CPNE4: variants seen among roughly 807,000 people sequenced by gnomAD.
CPNE4 encodes the protein copine-4.
A neutral mutation model predicts 67.9 loss-of-function variants in CPNE4; 25 were observed. That is an observed-to-expected ratio of 0.37 (90% confidence interval 0.27 to 0.51). The LOEUF (loss-of-function observed/expected upper bound fraction) is 0.51, where lower values mean the gene tolerates loss of function less well. Among genes scored for constraint, CPNE4 ranks in the 20% least tolerant of loss-of-function variants. CPNE4 has a pLI of 0.93. For missense variants in CPNE4, 464 were observed against 690.8 expected (o/e 0.67, Z 3.68); for synonymous variants, 242 against 244.9 (o/e 0.99, Z 0.11).
At chr3:131,788,915 G>T (rs188355615) in intron 2 of CPNE4, among the ~76,000 whole-genome samples, 135 of 151,836 alleles carry the variant, frequency 8.9e-4, no homozygotes, top group African/African-American at 3.2e-3. Flanking sequence ...ATGGTAGAAT[G>T]ATGACAATTA....
intron 7 of CPNE4, among the ~76,000 whole-genome samples, chr3:131,599,299 G>T (rs1939072470): frequency 6.6e-6 from 1 of 152,130 alleles, no homozygotes; most frequent in Non-Finnish European, 1.5e-5. Context: ...GTAGATTTTG[G>T]CCAGTTGTGT....
chr3:131,565,397 G>A (rs1937003588), intron 10 of CPNE4, among the ~76,000 whole-genome samples: 1 of 151,946 alleles, frequency 6.6e-6, no homozygotes, highest in African/African-American at 2.4e-5. Context: ...AATGGGAAAT[G>A]TTATTTGTGT....
At chr3:131,856,736 T>C (rs2086460250) in intron 2 of CPNE4, among the ~76,000 whole-genome samples, 1 of 152,034 alleles carries the variant, frequency 6.6e-6, no homozygotes, top group African/African-American at 2.4e-5. Context: ...ATTTATTGAA[T>C]GCTTACACTA....
chr3:131,558,229 G>A (rs1936572472), intron 11 of CPNE4, among the ~76,000 whole-genome samples: 1 of 151,904 alleles, frequency 6.6e-6, no homozygotes, highest in African/African-American at 2.4e-5. Flanking sequence ...ACACACTAAA[G>A]AAAAAGTTTT....
chr3:131,675,572 CTT>C (rs905959018), intron 6 of CPNE4, among the ~76,000 whole-genome samples: 2 of 151,998 alleles, frequency 1.3e-5, no homozygotes, highest in African/African-American at 4.8e-5. Flanking sequence ...ATTTTTTTCT[CTT>C]TTCATTGTTT....
At chr3:131,755,247 A>G (rs1366994123) in intron 2 of CPNE4, among the ~76,000 whole-genome samples, 1 of 151,148 alleles carries the variant, frequency 6.6e-6, no homozygotes, top group Non-Finnish European at 1.5e-5. Flanking sequence ...CTGAGCCACT[A>G]AGGGAGCTGT....
intron 2 of CPNE4, among the ~76,000 whole-genome samples, chr3:131,859,995 A>T (rs1374538140): frequency 6.6e-6 from 1 of 152,190 alleles, no homozygotes; most frequent in Non-Finnish European, 1.5e-5. Flanking sequence ...AAAGTCAGCA[A>T]TAATCTCCCT....
intron 7 of CPNE4, among the ~76,000 whole-genome samples, chr3:131,621,389 T>G (rs1940455788): frequency 6.6e-6 from 1 of 151,994 alleles, no homozygotes; most frequent in Non-Finnish European, 1.5e-5. Context: ...GGACCACAGA[T>G]GTGCACCACC....
rs542597990 is a variant in CPNE4 at position 131,642,636 on chromosome 3, G to A, written c.681+27039C>T. On this transcript the variant is annotated intron_variant, in intron 7 of 15. Transcript: ENST00000429747. ...GGACCCAGTGGGAGGTAATTGAATC[G>A]TGGGGGCAGTTACCCCCATGCTGCT... 3.4e-4 allele frequency among the ~76,000 whole-genome samples: 51 copies of A among 152,208 alleles called. No homozygotes were observed. The South Asian group carries it at 9.4e-3, about 28-fold the overall frequency.
At position 131,737,115 on chromosome 3, in the gene CPNE4, C is replaced by CTTTT. The variant is rs71788145; in HGVS notation, c.181-13494_181-13491dup. On this transcript the variant is annotated intron_variant, in intron 2 of 15. Coordinates refer to ENST00000429747, the MANE Select transcript of CPNE4 (RefSeq NM_130808.3). ...TGCCTCTTTTTATGAAGTATTGTGT[C>CTTTT]TTTTTTTTTTTTTTTTTTTTTTTTT... Among the ~76,000 whole-genome samples, 85 of 49,396 alleles carry CTTTT rather than the reference C, an allele frequency of 1.7e-3. 9 individuals carry two copies. The highest frequency in any genetic ancestry group is 6.3e-3 in the African/African-American group (83 of 13,086). 32.4% of individuals were successfully genotyped at this position (49,396 alleles called of 152,430 possible). A position where few individuals can be genotyped will look rare whatever the true frequency, so the allele number is the denominator to read the frequency against.
chr3:131,885,502 GTTTT>G (rs2087845034), intron 2 of CPNE4, among the ~76,000 whole-genome samples: 1 of 150,932 alleles, frequency 6.6e-6, no homozygotes, highest in African/African-American at 2.4e-5. Context: ...GGTGTTTTTT[GTTTT>G]TTGTTTTTCA....
intron 1 of CPNE4, among the ~76,000 whole-genome samples, chr3:131,960,115 A>G (rs1431137654): frequency 2.2e-5 from 2 of 89,900 alleles, no homozygotes; most frequent in African/African-American, 4.9e-5. Flanking sequence ...AAAGCAGAGA[A>G]AGAGTGGAGA....
At chr3:131,873,553 A>T (rs1374744728) in intron 2 of CPNE4, among the ~76,000 whole-genome samples, 4 of 152,236 alleles carry the variant, frequency 2.6e-5, no homozygotes, top group Non-Finnish European at 1.5e-5. Flanking sequence ...GACTTTATTT[A>T]GAGAAGATAA....
intron 2 of CPNE4, among the ~76,000 whole-genome samples, chr3:131,832,458 A>C (rs909480590): frequency 6.6e-6 from 1 of 152,196 alleles, no homozygotes; most frequent in African/African-American, 2.4e-5. Flanking sequence ...TGGGACTGCC[A>C]GGCAGTCTCC....
At chr3:131,564,691 C>G (rs1936964577) in intron 10 of CPNE4, among the ~76,000 whole-genome samples, 1 of 151,952 alleles carries the variant, frequency 6.6e-6, no homozygotes, top group South Asian at 2.1e-4. Context: ...TTTCACAGTT[C>G]ACTAAGAAAA....
chr3:131,599,080 C>T lies in CPNE4; in HGVS notation c.682-11498G>A, dbSNP rs547465627. 3.9e-5 allele frequency among the ~76,000 whole-genome samples: 6 copies of T among 152,250 alleles called. No homozygotes were observed. In the South Asian group the frequency reaches 8.3e-4, roughly 21 times the overall value. ...ATTTTATGGAGCTCTTAGGCAAATA[C>T]ATATAATCATAATTAGGTCCACCAA... On this transcript the variant is annotated intron_variant, in intron 7 of 15. Transcript: ENST00000429747.
intron 2 of CPNE4, among the ~76,000 whole-genome samples, chr3:131,736,506 G>A (rs1389152120): frequency 6.6e-6 from 1 of 151,238 alleles, no homozygotes; most frequent in Non-Finnish European, 1.5e-5. Context: ...TGTAGTCCCA[G>A]CTACTCGGGA....
At chr3:131,563,727 G>A (rs1936909548) in intron 11 of CPNE4, among the ~76,000 whole-genome samples, 1 of 151,956 alleles carries the variant, frequency 6.6e-6, no homozygotes, top group African/African-American at 2.4e-5. Flanking sequence ...ACGTGATAGT[G>A]TACAAATTAC....
rs567832945 is a variant in CPNE4 at position 131,903,384 on chromosome 3, T to C, written c.180+1880A>G. The stretch of plus-strand genomic sequence containing the variant: ...TAGATCTTTAAAAACAAGGCTTACT[T>C]AGACTAGGTACCTAGATGCAAAAAA... On this transcript the variant is annotated intron_variant, in intron 2 of 15. Transcript: ENST00000429747. Among the ~76,000 whole-genome samples, 30 of 151,022 alleles carry C rather than the reference T, an allele frequency of 2.0e-4. No homozygotes were observed. In the South Asian group the frequency reaches 5.9e-3, roughly 30 times the overall value.
Sources: allele counts gnomAD v4.1 joint callset (sites outside exome capture counted in the v4.1 genomes callset), GRCh38; gene constraint gnomAD v4.1.1; transcripts MANE v1.5; gene names NCBI Gene and HGNC (gene_info 2026-07-23, HGNC 2026-07-21).